SCIN: variants seen among roughly 807,000 people sequenced by gnomAD.
The protein encoded by SCIN is scinderin, also known as adseverin.
A neutral mutation model predicts 91.8 loss-of-function variants in SCIN; 91 were observed. The observed-to-expected ratio is 0.99, with a 90% CI of 0.84 to 1.18. The LOEUF (loss-of-function observed/expected upper bound fraction) is 1.18, where lower values mean the gene tolerates loss of function less well. SCIN is among the 50% of genes most tolerant of loss of function. SCIN has a pLI of 0.00. For synonymous variants in SCIN, 367 were observed against 312.6 expected (o/e 1.17, Z -1.84); for missense variants, 1,087 against 863.9 (o/e 1.26, Z -3.24).
At chr7:12,636,188 A>G in intron 10 of SCIN, 53 bp downstream of exon 10, 1 of 1,286,280 alleles carries the variant, frequency 7.8e-7, no homozygotes. Flanking sequence ...TTGCTAGCTC[A>G]ATGGATAGCT....
chr7:12,586,529 C>T (rs1319956866), intron 3 of SCIN, among the ~76,000 whole-genome samples: 1 of 151,462 alleles, frequency 6.6e-6, no homozygotes, highest in Non-Finnish European at 1.5e-5. Flanking sequence ...GGAAGTTTCT[C>T]AAAAAAAATA....
chr7:12,587,105 A>C (rs1782604055), intron 3 of SCIN, among the ~76,000 whole-genome samples: 1 of 152,346 alleles, frequency 6.6e-6, no homozygotes, highest in South Asian at 2.1e-4. Context: ...AGTACAAATA[A>C]GTGATAACTA....
At position 12,660,058 on chromosome 7, in the gene SCIN, G is replaced by A. The variant is rs1408705212; in HGVS notation, c.*7343G>A. ...CCCCTGCCAGCAAAACATTGCTCCT[G>A]ACTCCACCGCCTATCCCAAAACCTA... is the stretch of plus-strand genomic sequence containing the variant. On this transcript the variant is annotated 3_prime_UTR_variant, in exon 16 of 16. Transcript: ENST00000297029. 1 of 152,168 alleles carries A rather than the reference G, an allele frequency of 6.6e-6. No individual in the cohort carries two copies. The highest frequency in any genetic ancestry group is 1.5e-5 in the Non-Finnish European group (1 of 68,110). The allele number at this position is 152,168 out of a possible 1,614,324, so 9.4% of individuals were successfully genotyped here. A position where few individuals can be genotyped will look rare whatever the true frequency, so the allele number is the denominator to read the frequency against.
Position 12,643,628 on chromosome 7 carries a change from A to G in SCIN, c.1582-510A>G, listed in dbSNP as rs545970396. ...GCTCCTGACAAACCTGGTGAAATTC[A>G]ACTCTCCACATCATGGCTGCCTTCA... On this transcript the variant is annotated intron_variant, in intron 11 of 15. Coordinates refer to ENST00000297029, the MANE Select transcript of SCIN (RefSeq NM_001112706.3). 3.9e-5 allele frequency among the ~76,000 whole-genome samples: 6 copies of G among 152,264 alleles called. No individual in the cohort carries two copies. In the East Asian group the frequency reaches 1.2e-3, roughly 29 times the overall value.
rs371475039 is a variant in SCIN, at chr7:12,636,087, G to A, written c.1362G>A (p.Ala454=). The change falls in exon 10 of 16, where the codon GCG becomes GCA. Residue 454 remains alanine, a synonymous_variant. Transcript: ENST00000297029. ...NATRDELTTS[A]FLTVQLDRSL... ...CACGAGATGAGCTGACAACATCTGCGTTCCTGACTGTTCAGTTGGATCGGT... is the reference window on the plus strand; with the variant it reads ...CACGAGATGAGCTGACAACATCTGCATTCCTGACTGTTCAGTTGGATCGGT... 125 of 1,612,926 alleles carry A rather than the reference G, an allele frequency of 7.7e-5. 2 individuals carry two copies. The East Asian group carries it at 2.0e-3, about 26-fold the overall frequency.
intron 4 of SCIN, among the ~76,000 whole-genome samples, chr7:12,618,779 T>A (rs1783348783): frequency 6.6e-6 from 1 of 152,126 alleles, no homozygotes; most frequent in African/African-American, 2.4e-5. Context: ...TGTTTCTCAG[T>A]TAAGGAAAAG....
chr7:12,635,058 T>G (rs1034737308), intron 9 of SCIN, among the ~76,000 whole-genome samples: 35 of 152,040 alleles, frequency 2.3e-4, no homozygotes, highest in African/African-American at 8.2e-4. Flanking sequence ...TAATCCCAGC[T>G]ACTCAGGAGG....
chr7:12,621,427 G>A (rs1783404751), intron 4 of SCIN, among the ~76,000 whole-genome samples: 2 of 152,180 alleles, frequency 1.3e-5, no homozygotes, highest in East Asian at 1.9e-4. Flanking sequence ...AAGAGTTAGA[G>A]TGTGCCTCAA....
intron 3 of SCIN, among the ~76,000 whole-genome samples, chr7:12,598,915 AAGAG>A (rs1167805255): frequency 1.3e-5 from 2 of 152,158 alleles, no homozygotes; most frequent in African/African-American, 4.8e-5. Flanking sequence ...CTCAAAAAAA[AAGAG>A]AGAGAGAAAG....
Position 12,625,681 on chromosome 7 carries a change from T to C in SCIN, c.893-81T>C, listed in dbSNP as rs1285598749. 5 of 1,015,560 alleles carry C rather than the reference T, an allele frequency of 4.9e-6. No individual in the cohort carries two copies. The Admixed American group carries it at 1.2e-4, about 25-fold the overall frequency. The allele number at this position is 1,015,560 out of a possible 1,614,324, so 62.9% of individuals were successfully genotyped here. A position where few individuals can be genotyped will look rare whatever the true frequency, so the allele number is the denominator to read the frequency against. On this transcript the variant is annotated intron_variant, in intron 6 of 15. Transcript: ENST00000297029. Reference sequence around the variant, plus strand: ...TTAACTTCAATTATAATCATGTTTATTATGGTACACAAGTATTTCTTAATC... The same window carrying C: ...TTAACTTCAATTATAATCATGTTTACTATGGTACACAAGTATTTCTTAATC...
intron 4 of SCIN, among the ~76,000 whole-genome samples, chr7:12,620,130 A>T (rs1783377912): frequency 2.0e-5 from 3 of 152,070 alleles, no homozygotes; most frequent in Non-Finnish European, 4.4e-5. Flanking sequence ...TGATATTTTG[A>T]TAGAAGTATA....
chr7:12,594,279 C>T (rs1051486747), intron 3 of SCIN, among the ~76,000 whole-genome samples: 3 of 151,816 alleles, frequency 2.0e-5, no homozygotes, highest in Non-Finnish European at 4.4e-5. Context: ...GGGAGAAAAT[C>T]CACGGGGTCA....
At chr7:12,641,628 C>T (rs1783861625) in intron 11 of SCIN, among the ~76,000 whole-genome samples, 1 of 152,156 alleles carries the variant, frequency 6.6e-6, no homozygotes, top group African/African-American at 2.4e-5. Flanking sequence ...TGGTCCTATA[C>T]TAAATTTTGC....
chr7:12,626,837 G>A (rs1485121142), intron 8 of SCIN, 38 bp downstream of exon 8: 2 of 1,531,602 alleles, frequency 1.3e-6, no homozygotes, highest in Admixed American at 1.9e-5. Context: ...GCCCATTAAT[G>A]CCAGTGTATG....
rs186917632 is a variant in SCIN, at chr7:12,657,399, G to C, written c.*4684G>C. On this transcript the variant is annotated 3_prime_UTR_variant, in exon 16 of 16. Coordinates refer to ENST00000297029, the MANE Select transcript of SCIN (RefSeq NM_001112706.3). ...GCCCAGCTAATTCTTTGTAGAGATG[G>C]GGTTTTGCCATGTTGTCCAGGCTGG... The C allele has an allele frequency of 1.3e-5, 2 of 149,212 alleles. No individual in the cohort carries two copies. The highest frequency in any genetic ancestry group is 3.0e-5 in the Non-Finnish European group (2 of 67,254). 9.2% of individuals were successfully genotyped at this position (149,212 alleles called of 1,614,324 possible). A position where few individuals can be genotyped will look rare whatever the true frequency, so the allele number is the denominator to read the frequency against.
chr7:12,625,330 A>T (rs1353688305), intron 6 of SCIN, among the ~76,000 whole-genome samples, 188 bp downstream of exon 6: 2 of 150,780 alleles, frequency 1.3e-5, no homozygotes, highest in African/African-American at 2.4e-5. Flanking sequence ...TTATGGAGTT[A>T]AAAAAAAAGC....
chr7:12,652,568 G>A lies in SCIN; in HGVS notation c.2021-20G>A. The A allele has an allele frequency of 6.2e-7, 1 of 1,609,564 alleles. No individual in the cohort carries two copies. The highest frequency in any genetic ancestry group is 8.5e-7 in the Non-Finnish European group (1 of 1,177,914). ...TAACCCAAACTAACTGAATTTATAT[G>A]TCTTTACAACTTTTTTTAGCCAAAA... On this transcript the variant is annotated intron_variant, in intron 15 of 15. Coordinates refer to ENST00000297029, the MANE Select transcript of SCIN (RefSeq NM_001112706.3).
intron 4 of SCIN, among the ~76,000 whole-genome samples, chr7:12,614,239 T>G (rs1190365451): frequency 1.3e-5 from 2 of 152,186 alleles, no homozygotes; most frequent in Non-Finnish European, 2.9e-5. Context: ...AACTTCCTGT[T>G]CATTCCTTAA....
intron 1 of SCIN, among the ~76,000 whole-genome samples, chr7:12,572,377 A>C (rs1438315096): frequency 6.6e-6 from 1 of 152,228 alleles, no homozygotes; most frequent in Non-Finnish European, 1.5e-5. Flanking sequence ...AAAGACTGAA[A>C]CTTTTATAAC....
Sources: allele counts gnomAD v4.1 joint callset (sites outside exome capture counted in the v4.1 genomes callset), GRCh38; gene constraint gnomAD v4.1.1; transcripts MANE v1.5; gene names NCBI Gene and HGNC (gene_info 2026-07-23, HGNC 2026-07-21).